IRAG2: variants seen among roughly 807,000 people sequenced by gnomAD.
IRAG2 encodes inositol 1,4,5-triphosphate receptor associated 2, also known as lymphoid restricted membrane protein.
A neutral mutation model predicts 69.9 loss-of-function variants in IRAG2; 45 were observed. The ratio of observed to expected loss-of-function variants is 0.64; its 90% CI spans 0.51 to 0.83. The LOEUF (loss-of-function observed/expected upper bound fraction) is 0.83, where lower values mean the gene tolerates loss of function less well. Among genes scored for constraint, IRAG2 ranks in the 40% least tolerant of loss-of-function variants. The pLI, the probability that IRAG2 is intolerant of heterozygous loss-of-function variation, is 0.00. For missense variants in IRAG2, 520 were observed against 587.0 expected (o/e 0.89, Z 1.18); for synonymous variants, 193 against 202.4 (o/e 0.95, Z 0.40).
chr12:25,031,675 GT>G (rs903368509), intron 10 of IRAG2, among the ~76,000 whole-genome samples: 1 of 151,818 alleles, frequency 6.6e-6, no homozygotes, highest in Non-Finnish European at 1.5e-5. Flanking sequence ...TTTTTGTTTT[GT>G]TTTTTTGTTT....
Position 25,079,262 on chromosome 12 carries a change from G to A in IRAG2, c.43G>A (p.Val15Met), listed in dbSNP as rs143325687. The change falls in exon 7 of 22, where the codon GTG becomes ATG. Residue 15 changes from valine (V) to methionine (M), a missense_variant. By Grantham distance (21) the Val-to-Met change is conservative. Coordinates refer to ENST00000556887, the MANE Select transcript of IRAG2 (RefSeq NM_001366544.2). ...PSMEENGVER[V>M]CPESLLQSRE... ...CCTTAAGGAGAATGGTGTTGAACGCGTGTGTCCTGAGAGCCTGCTGCAGTC... is the reference window on the plus strand; with the variant it reads ...CCTTAAGGAGAATGGTGTTGAACGCATGTGTCCTGAGAGCCTGCTGCAGTC... The A allele has an allele frequency of 1.9e-5, 31 of 1,614,104 alleles. No homozygotes were observed. The highest frequency in any genetic ancestry group is 1.1e-4 in the African/African-American group (8 of 75,052).
intron 6 of IRAG2, among the ~76,000 whole-genome samples, chr12:25,076,918 C>T (rs1394791895): frequency 2.0e-5 from 3 of 151,284 alleles, no homozygotes; most frequent in African/African-American, 7.3e-5. Context: ...CCCTGTCACC[C>T]AGGCTGGGGT....
intron 10 of IRAG2, among the ~76,000 whole-genome samples, chr12:25,087,153 CTTTTTTT>C (rs780510333): frequency 3.9e-5 from 3 of 76,678 alleles, no homozygotes; most frequent in East Asian, 6.5e-4. Context: ...ACTCTCCTTC[CTTTTTTT>C]TTTTTTTTTT....
intron 10 of IRAG2, among the ~76,000 whole-genome samples, chr12:25,086,164 C>G (rs1947593952): frequency 6.6e-6 from 1 of 152,044 alleles, no homozygotes; most frequent in Non-Finnish European, 1.5e-5. Context: ...GGTTAGGATA[C>G]TATGGCAATA....
intron 15 of IRAG2, among the ~76,000 whole-genome samples, chr12:25,097,854 A>T (rs911296900): frequency 6.6e-6 from 1 of 152,218 alleles, no homozygotes; most frequent in Admixed American, 6.5e-5. Context: ...AACAACTTTC[A>T]ACTTTTTGTC....
chr12:25,065,658 A>C (rs1945933189), intron 4 of IRAG2, among the ~76,000 whole-genome samples: 1 of 152,198 alleles, frequency 6.6e-6, no homozygotes, highest in Admixed American at 6.6e-5. Flanking sequence ...TGTGTGAACA[A>C]ATGGGTGCAG....
In IRAG2 at chr12:25,107,860, A is replaced by G. The variant is rs1374817758; in HGVS notation, c.1300A>G (p.Ile434Val). 2 of 1,613,962 alleles carry G rather than the reference A, an allele frequency of 1.2e-6. No homozygotes were observed. Among genetic ancestry groups the G allele is most frequent in the African/African-American group, 1.3e-5 (1 of 74,934 alleles). ...ASWATNLKSS[I>V]RKANKALWLS... ...CTGGGCAACAAATCTCAAGTCCTCCATCAGAAAGGCTAATAAGGCCCTCTG... is the reference window on the plus strand; with the variant it reads ...CTGGGCAACAAATCTCAAGTCCTCCGTCAGAAAGGCTAATAAGGCCCTCTG... The change falls in exon 22 of 22, where the codon ATC (isoleucine) becomes GTC (valine). Residue 434 changes from isoleucine (I) to valine (V), a missense_variant. Physicochemically the swap from Ile to Val is conservative, Grantham distance 29 (BLOSUM62 3). Transcript: ENST00000556887.
chr12:25,091,884 C>T (rs934933665), intron 14 of IRAG2, among the ~76,000 whole-genome samples: 2 of 152,126 alleles, frequency 1.3e-5, no homozygotes, highest in Admixed American at 6.5e-5. Context: ...TTTTCATGTG[C>T]TTGCTGGCCA....
intron 6 of IRAG2, among the ~76,000 whole-genome samples, chr12:25,070,121 A>G (rs1481030260): frequency 6.6e-6 from 1 of 152,174 alleles, no homozygotes; most frequent in Admixed American, 6.5e-5. Flanking sequence ...GATATAATTC[A>G]CCCACCAGAC....
At chr12:25,041,889 C>G (rs1011437036) in intron 16 of IRAG2, among the ~76,000 whole-genome samples, 32 of 147,654 alleles carry the variant, frequency 2.2e-4, no homozygotes, top group Non-Finnish European at 1.8e-4. Flanking sequence ...AAAAAAAAGA[C>G]ATAAAATAAT....
chr12:25,076,640 G>A (rs1267632217), intron 6 of IRAG2: 2 of 980,274 alleles, frequency 2.0e-6, no homozygotes, highest in African/African-American at 3.5e-5. Flanking sequence ...GATCTTGACA[G>A]GTACAAAATG....
chr12:25,023,126 C>CAAAAA (rs139607228), intron 7 of IRAG2, among the ~76,000 whole-genome samples: 3 of 112,554 alleles, frequency 2.7e-5, no homozygotes, highest in Non-Finnish European at 5.7e-5. Flanking sequence ...GACTTCGTCT[C>CAAAAA]AAAAAAAAAA....
chr12:25,050,459 C>T (rs765417236), upstream of IRAG2, among the ~76,000 whole-genome samples: 4 of 147,218 alleles, frequency 2.7e-5, no homozygotes, highest in Non-Finnish European at 4.5e-5. Flanking sequence ...AACCCGGGAG[C>T]CAAAGGTTGC....
chr12:25,030,730 T>C (rs997608550), intron 10 of IRAG2, among the ~76,000 whole-genome samples: 1 of 152,220 alleles, frequency 6.6e-6, no homozygotes, highest in Non-Finnish European at 1.5e-5. Context: ...CTTTCCTTTA[T>C]AGCACTTTAT....
intron 14 of IRAG2, chr12:25,090,683 G>C: frequency 3.1e-6 from 1 of 318,186 alleles, no homozygotes; most frequent in Non-Finnish European, 6.2e-6. Context: ...GTGAATCATA[G>C]AAAGTAAGAA....
At chr12:25,051,562 A>G (rs1332486852), upstream of IRAG2, among the ~76,000 whole-genome samples, 1 of 152,220 alleles carries the variant, frequency 6.6e-6, no homozygotes, top group Non-Finnish European at 1.5e-5. Flanking sequence ...GTGCATTTTT[A>G]CATGTTTTAG....
chr12:25,083,140 T>TA (rs1035271475), intron 9 of IRAG2, among the ~76,000 whole-genome samples: 1 of 152,144 alleles, frequency 6.6e-6, no homozygotes, highest in Admixed American at 6.6e-5. Flanking sequence ...TGTGTTCCAT[T>TA]AAAAAAAGCA....
At chr12:25,024,491 G>A (rs1431497366) in intron 8 of IRAG2, among the ~76,000 whole-genome samples, 2 of 152,170 alleles carry the variant, frequency 1.3e-5, no homozygotes, top group African/African-American at 4.8e-5. Flanking sequence ...CAAAATTGAA[G>A]CATTGGAAGA....
At chr12:25,001,203 G>A (rs536387795), upstream of IRAG2, among the ~76,000 whole-genome samples, 1 of 152,200 alleles carries the variant, frequency 6.6e-6, no homozygotes, top group Non-Finnish European at 1.5e-5. Context: ...GCTCACTTAG[G>A]TAAGTCAGGA....
Sources: allele counts gnomAD v4.1 joint callset (sites outside exome capture counted in the v4.1 genomes callset), GRCh38; gene constraint gnomAD v4.1.1; transcripts MANE v1.5; gene names NCBI Gene and HGNC (gene_info 2026-07-23, HGNC 2026-07-21).